Variants in DEF8 observed in about 807,000 individuals in gnomAD.
The protein encoded by DEF8 is DEF-8.
DEF8 carries 38 observed loss-of-function variants against 59.1 expected under a neutral mutation model. The ratio of observed to expected loss-of-function variants is 0.64; its 90% CI spans 0.50 to 0.84. DEF8 has a LOEUF of 0.84. Ranked by LOEUF, DEF8 falls within the 40% of genes least tolerant of loss-of-function variation. The probability of loss-of-function intolerance (pLI) is 0.00; values close to 1 mark genes in which losing one functional copy is unlikely to be tolerated. For synonymous variants in DEF8, 265 were observed against 250.1 expected, an observed-to-expected ratio of 1.06 and a Z score of -0.56; for missense variants, 557 against 615.2, an observed-to-expected ratio of 0.91 and a Z score of 1.00.
At chr16:89,952,021 G>A (rs2032224179) in intron 2 of DEF8, among the ~76,000 whole-genome samples, 2 of 152,148 alleles carry the variant, frequency 1.3e-5, no homozygotes, top group South Asian at 2.1e-4. Flanking sequence ...GGGGCTACAG[G>A]CGCCTGCCAC....
chr16:89,953,057 A>G (rs1370967264), intron 2 of DEF8, among the ~76,000 whole-genome samples: 1 of 152,256 alleles, frequency 6.6e-6, no homozygotes, highest in African/African-American at 2.4e-5. Context: ...AGGATTGATT[A>G]TTATAATTGT....
chr16:89,955,847 C>T (rs1359770585), intron 4 of DEF8, among the ~76,000 whole-genome samples: 1 of 151,544 alleles, frequency 6.6e-6, no homozygotes, highest in African/African-American at 2.4e-5. Context: ...CTGAGGCGGG[C>T]GGATCACGAG....
chr16:89,949,106 A>AG (rs1567777595), intron 1 of DEF8, among the ~76,000 whole-genome samples: 1 of 7,924 alleles, frequency 1.3e-4, no homozygotes, highest in Non-Finnish European at 2.7e-4. Context: ...GGGGCCGGCG[A>AG]GGTCGGGGCC....
chr16:89,957,484 G>A, intron 4 of DEF8, 27 bp from the exon 5 acceptor site: 1 of 1,560,280 alleles, frequency 6.4e-7, no homozygotes, highest in Non-Finnish European at 8.7e-7. Flanking sequence ...ATGGGCCTTT[G>A]ACTGCCCCCG....
chr16:89,962,093 T>C lies in DEF8; in HGVS notation c.889T>C (p.Phe297Leu). The change falls in exon 9 of 13, where the codon TTC becomes CTC. Residue 297 changes from phenylalanine (F) to leucine (L), a missense_variant. Phe to Leu is a conservative substitution (Grantham distance 22). Coordinates refer to ENST00000563594, the MANE Select transcript of DEF8 (RefSeq NM_001242818.2). ...GCTCCGGGAGATCAACCCTCTGCTG[T>C]TCAGCTACGTGGAGGAGCTGGTGGA... Reference protein sequence around the residue: ...LRLREINPLLFSYVEELVEIR... With the variant: ...LRLREINPLLLSYVEELVEIR... The C allele has an allele frequency of 6.2e-7, 1 of 1,614,044 alleles. No homozygotes were observed. The highest frequency in any genetic ancestry group is 8.5e-7 in the Non-Finnish European group (1 of 1,179,972).
Position 89,963,351 on chromosome 16 carries a change from C to T in DEF8, c.922-12C>T, listed in dbSNP as rs1397529392. 4 of 1,612,788 alleles carry T rather than the reference C, an allele frequency of 2.5e-6. No individual in the cohort carries two copies. Among genetic ancestry groups the T allele is most frequent in the Non-Finnish European group, 2.5e-6 (3 of 1,179,402 alleles). The stretch of plus-strand genomic sequence containing the variant: ...GGCTGAGGAGGCCTGCCTGCTCCCG[C>T]CTTGTTTGCAGAAGCTGCGCCAGGA... On this transcript the variant is annotated splice_polypyrimidine_tract_variant and intron_variant, in intron 9 of 12. Transcript: ENST00000563594.
intron 6 of DEF8, 182 bp downstream of exon 6, chr16:89,959,337 C>T (rs2033711191): frequency 3.5e-6 from 5 of 1,443,548 alleles, no homozygotes; most frequent in Non-Finnish European, 4.5e-6. Context: ...CAGGGCTGTT[C>T]TGGATGAGAA....
rs2034582482 is a variant in DEF8 at position 89,966,031 on chromosome 16, C to G, written c.*68C>G. The G allele has an allele frequency of 1.6e-6, 2 of 1,282,726 alleles. No homozygotes were observed. The highest frequency in any genetic ancestry group is 2.9e-5 in the African/African-American group (2 of 68,144). The allele number at this position is 1,282,726 out of a possible 1,614,324, so 79.5% of individuals were successfully genotyped here. Reference sequence around the variant, plus strand: ...CCCACCCTGCCAACATCAAGTTGTTCCTTCTGCTCCGGAGACCCCTGGGGT... The same window carrying G: ...CCCACCCTGCCAACATCAAGTTGTTGCTTCTGCTCCGGAGACCCCTGGGGT... On this transcript the variant is annotated 3_prime_UTR_variant, in exon 13 of 13. Coordinates refer to ENST00000563594, the MANE Select transcript of DEF8 (RefSeq NM_001242818.2).
intron 2 of DEF8, 140 bp downstream of exon 2, chr16:89,949,653 CGT>C (rs781753474): frequency 6.2e-7 from 1 of 1,601,252 alleles, no homozygotes; most frequent in Non-Finnish European, 8.5e-7. Flanking sequence ...GTGCATCCCG[CGT>C]GTCCTGAGCT....
In DEF8 at chr16:89,963,435, C is replaced by G; in HGVS notation, c.994C>G (p.Leu332Val). 2 of 1,613,362 alleles carry G rather than the reference C, an allele frequency of 1.2e-6. No individual in the cohort carries two copies. The highest frequency in any genetic ancestry group is 1.7e-6 in the Non-Finnish European group (2 of 1,179,652). Residue 332 changes from leucine (L) to valine (V), a missense_variant, in exon 10 of 13, where the codon CTG becomes GTG. Physicochemically the swap from Leu to Val is conservative, Grantham distance 32 (BLOSUM62 1). Transcript: ENST00000563594. The stretch of plus-strand genomic sequence containing the variant: ...CAGGGAGGCCATGGAGGCTCGTCTG[C>G]TGCTGCAGGTCAGACTGCCAGCAGG... ...TCREAMEARL[L>V]LQLQDRQHFV...
In DEF8 at chr16:89,955,228, G is replaced by T. The variant is rs1388447440; in HGVS notation, c.184G>T (p.Asp62Tyr). ...ATTCCGCTGCCCTGAACGCGTGATG[G>T]ATCTCGGCCTGTCTGAGGACCACTT... ...PEFRCPERVM[D>Y]LGLSEDHFSR... Residue 62 changes from aspartate to tyrosine, a missense_variant, in exon 4 of 13, where the codon GAT becomes TAT. By Grantham distance (160) the Asp-to-Tyr change is radical. Coordinates refer to ENST00000563594, the MANE Select transcript of DEF8 (RefSeq NM_001242818.2). 2 of 1,613,564 alleles carry T rather than the reference G, an allele frequency of 1.2e-6. No individual in the cohort carries two copies.
rs1294781821 is a variant in DEF8 at position 89,961,631 on chromosome 16, A to C, written c.680-106A>C. ...CCGGCTGAGGATAGGACATGTTCCC[A>C]TGTCTCCCCGAGGGCTGTGGTCCAT... On this transcript the variant is annotated intron_variant, in intron 7 of 12. Transcript: ENST00000563594. The C allele has an allele frequency of 3.5e-6, 5 of 1,423,740 alleles. No homozygotes were observed. The African/African-American group carries it at 5.7e-5, about 16-fold the overall frequency. The allele number at this position is 1,423,740 out of a possible 1,614,324, so 88.2% of individuals were successfully genotyped here. A position where few individuals can be genotyped will look rare whatever the true frequency, so the allele number is the denominator to read the frequency against.
Position 89,967,231 on chromosome 16 carries a change from G to T in DEF8, c.*1268G>T. On this transcript the variant is annotated 3_prime_UTR_variant, in exon 13 of 13. Transcript: ENST00000563594. Reference sequence around the variant, plus strand: ...ACTGTGCTTGGCTGTTGGTGCACATGGTTGGCACACGGTGGGCAGAGGGCA... The same window carrying T: ...ACTGTGCTTGGCTGTTGGTGCACATTGTTGGCACACGGTGGGCAGAGGGCA... 2.5e-6 allele frequency: 1 copy of T among 398,684 alleles called. No homozygotes were observed. The highest frequency in any genetic ancestry group is 1.3e-4 in the South Asian group (1 of 7,770). 24.7% of individuals were successfully genotyped at this position (398,684 alleles called of 1,614,324 possible). A position where few individuals can be genotyped will look rare whatever the true frequency, so the allele number is the denominator to read the frequency against.
intron 4 of DEF8, among the ~76,000 whole-genome samples, chr16:89,955,700 C>T (rs960278065): frequency 1.9e-4 from 29 of 152,130 alleles, no homozygotes; most frequent in African/African-American, 6.8e-4. Flanking sequence ...ATTACAGGGC[C>T]ACTCTTGTTT....
rs768609789 is a variant in DEF8 at position 89,964,150 on chromosome 16, C to A, written c.1003-20C>A. On this transcript the variant is annotated intron_variant, in intron 10 of 12. Transcript: ENST00000563594. ...GGGCCCTCCCCGGTGCAGGGCGTCA[C>A]GGCTGCTGGGACTTGGCAGCTCCAG... 2 of 1,613,930 alleles carry A rather than the reference C, an allele frequency of 1.2e-6. No homozygotes were observed. Among genetic ancestry groups the A allele is most frequent in the Non-Finnish European group, 1.7e-6 (2 of 1,179,944 alleles).
chr16:89,959,051 T>C lies in DEF8; in HGVS notation c.410T>C (p.Leu137Pro), dbSNP rs1284656877. The C allele has an allele frequency of 6.2e-6, 10 of 1,613,368 alleles. No homozygotes were observed. The highest frequency in any genetic ancestry group is 8.5e-6 in the Non-Finnish European group (10 of 1,180,036). Reference sequence around the variant, plus strand: ...GATGAGCCAAACATCCGAGTGCTCCTTGAGCACCGCTTTTACAAGGAGAAG... The same window carrying C: ...GATGAGCCAAACATCCGAGTGCTCCCTGAGCACCGCTTTTACAAGGAGAAG... ...NEDEPNIRVL[L>P]EHRFYKEKSK... is the part of the protein sequence containing the mutation. Residue 137 changes from leucine (L) to proline (P), a missense_variant, in exon 6 of 13, where the codon CTT becomes CCT. Physicochemically the swap from Leu to Pro is moderately conservative, Grantham distance 98. Transcript: ENST00000563594.
chr16:89,960,227 T>C (rs184888144), intron 6 of DEF8, among the ~76,000 whole-genome samples: 5 of 152,142 alleles, frequency 3.3e-5, no homozygotes, highest in African/African-American at 1.2e-4. Context: ...TGACTGAGCT[T>C]GGACTGAGAG....
rs565934214 is a variant in DEF8, at chr16:89,966,036, T to C, written c.*73T>C. ...CCTGCCAACATCAAGTTGTTCCTTC[T>C]GCTCCGGAGACCCCTGGGGTGCGGC... On this transcript the variant is annotated 3_prime_UTR_variant, in exon 13 of 13. Coordinates refer to ENST00000563594, the MANE Select transcript of DEF8 (RefSeq NM_001242818.2). The C allele has an allele frequency of 8.1e-7, 1 of 1,236,052 alleles. No homozygotes were observed. Among genetic ancestry groups the C allele is most frequent in the South Asian group, 1.3e-5 (1 of 77,242 alleles). The allele number at this position is 1,236,052 out of a possible 1,614,324, so 76.6% of individuals were successfully genotyped here.
intron 7 of DEF8, 148 bp from the exon 8 acceptor site, chr16:89,961,589 G>A (rs1266179715): frequency 5.3e-6 from 5 of 945,718 alleles, no homozygotes; most frequent in Non-Finnish European, 8.1e-6. Flanking sequence ...TGAGACGCTG[G>A]GACCACCTGA....
Sources: gnomAD v4.1 joint callset for allele counts (sites outside exome capture counted in the v4.1 genomes callset) on GRCh38, gnomAD v4.1.1 for gene constraint, MANE v1.5 for transcripts, NCBI Gene and HGNC (gene_info 2026-07-23, HGNC 2026-07-21) for gene names.